AUH: variants seen among roughly 807,000 people sequenced by gnomAD.
AUH encodes AU RNA binding methylglutaconyl-CoA hydratase.
In AUH, 29 loss-of-function variants were observed where a neutral mutation model predicts 42.3. That is an observed-to-expected ratio of 0.69 (90% CI 0.51 to 0.93). AUH has a LOEUF of 0.93. Among genes scored for constraint, AUH ranks in the 40% least tolerant of loss-of-function variants. AUH has a pLI of 0.00. For missense variants in AUH, 452 were observed against 438.1 expected (o/e 1.03, Z -0.28); for synonymous variants, 174 against 166.4 (o/e 1.05, Z -0.35).
intron 4 of AUH, among the ~76,000 whole-genome samples, chr9:91,322,729 A>T (rs1829677487): frequency 6.6e-6 from 1 of 152,208 alleles, no homozygotes; most frequent in Non-Finnish European, 1.5e-5. Flanking sequence ...AAAGAATAAC[A>T]CAAAACAAAA....
In AUH at chr9:91,249,200, G is replaced by A. The variant is rs143777780; in HGVS notation, c.656-28208C>T. ...TAGTCCCAGCTACTTGGGGGGCTAA[G>A]GTGGGGGGATCACCTGAGCCTGGGA... On this transcript the variant is annotated intron_variant, in intron 6 of 9. Transcript: ENST00000375731. Among the ~76,000 whole-genome samples, 741 of 148,690 alleles carry A rather than the reference G, an allele frequency of 5.0e-3. 7 individuals carry two copies. Among genetic ancestry groups the A allele is most frequent in the East Asian group, 0.044 (216 of 4,928 alleles).
In AUH at chr9:91,355,951, G is replaced by A. The variant is rs1832379274; in HGVS notation, c.350C>T (p.Ala117Val). The change falls in exon 3 of 10, where the codon GCT becomes GTT. Residue 117 changes from alanine to valine, a missense_variant. Transcript: ENST00000375731. Reference sequence around the variant, plus strand: ...CCGTACTTTCTTATCAGATTTCAAAGCATCCACAGCTTTTGATAGCTAAAC... The same window carrying A: ...CCGTACTTTCTTATCAGATTTCAAAACATCCACAGCTTTTGATAGCTAAAC... The part of the protein sequence containing the change: ...LIKMLSKAVD[A>V]LKSDKKVRTI... 2 of 1,613,192 alleles carry A rather than the reference G, an allele frequency of 1.2e-6. No individual in the cohort carries two copies. Among genetic ancestry groups the A allele is most frequent in the Non-Finnish European group, 1.7e-6 (2 of 1,179,642 alleles).
chr9:91,301,252 G>A (rs1026715388), intron 4 of AUH, among the ~76,000 whole-genome samples: 8 of 152,184 alleles, frequency 5.3e-5, no homozygotes, highest in African/African-American at 1.4e-4. Context: ...AGTAGCTGCT[G>A]GAGGCCGTGA....
At chr9:91,345,899 T>C (rs1831471874) in intron 3 of AUH, among the ~76,000 whole-genome samples, 1 of 150,938 alleles carries the variant, frequency 6.6e-6, no homozygotes, top group Non-Finnish European at 1.5e-5. Flanking sequence ...TCAACTGATA[T>C]TTTAGACAGG....
At chr9:91,359,495 T>C (rs1832686869) in intron 1 of AUH, among the ~76,000 whole-genome samples, 1 of 152,144 alleles carries the variant, frequency 6.6e-6, no homozygotes, top group Non-Finnish European at 1.5e-5. Context: ...AAGGTCTTGT[T>C]GTGTCACCCA....
chr9:91,304,006 A>C (rs1828024126), intron 4 of AUH, among the ~76,000 whole-genome samples: 1 of 152,202 alleles, frequency 6.6e-6, no homozygotes, highest in Non-Finnish European at 1.5e-5. Context: ...GGGAGTTCAA[A>C]GTGAGAAGTC....
rs1247717165 is a variant in AUH at position 91,217,313 on chromosome 9, C to A, written c.858G>T (p.Met286Ile). ...REFLPQGPVA[M>I]RVAKLAINQG... Reference sequence around the variant, plus strand: ...GATTAATTGCTAATTTTGCCACTCTCATTGCAACAGGTCCCTAAAATTCAA... The same window carrying A: ...GATTAATTGCTAATTTTGCCACTCTAATTGCAACAGGTCCCTAAAATTCAA... Residue 286 changes from methionine (M) to isoleucine (I), a missense_variant, in exon 8 of 10, where the codon ATG becomes ATT. Coordinates refer to ENST00000375731, the MANE Select transcript of AUH (RefSeq NM_001698.3). 1 of 1,613,700 alleles carries A rather than the reference C, an allele frequency of 6.2e-7. No individual in the cohort carries two copies. The highest frequency in any genetic ancestry group is 1.3e-5 in the African/African-American group (1 of 74,938).
At chr9:91,340,627 A>C (rs566800250) in intron 3 of AUH, among the ~76,000 whole-genome samples, 4 of 152,326 alleles carry the variant, frequency 2.6e-5, no homozygotes, top group South Asian at 4.2e-4. Flanking sequence ...AATACTTCTC[A>C]AACTATGAGT....
chr9:91,288,977 G>C (rs1221234516), intron 6 of AUH, among the ~76,000 whole-genome samples: 1 of 151,992 alleles, frequency 6.6e-6, no homozygotes, highest in Non-Finnish European at 1.5e-5. Flanking sequence ...CTCAGGTAAA[G>C]AAAACAAAAC....
chr9:91,266,378 TAA>T (rs1829979165), intron 6 of AUH, among the ~76,000 whole-genome samples: 1 of 150,620 alleles, frequency 6.6e-6, no homozygotes, highest in African/African-American at 2.4e-5. Flanking sequence ...AATAAATAAA[TAA>T]ATAAATAAAT....
chr9:91,218,062 T>C (rs1184788242), intron 7 of AUH, among the ~76,000 whole-genome samples: 1 of 152,206 alleles, frequency 6.6e-6, no homozygotes, highest in African/African-American at 2.4e-5. Context: ...GGGTAATAAA[T>C]GTGAATTCAA....
chr9:91,300,512 A>C lies in AUH; in HGVS notation c.506-2436T>G, dbSNP rs975126112. ...GGTCCCATCATTTCTCACCAGCAGG[A>C]AGTACCTAATTAATCTCCTTCACCT... On this transcript the variant is annotated intron_variant, in intron 4 of 9. Coordinates refer to ENST00000375731, the MANE Select transcript of AUH (RefSeq NM_001698.3). Among the ~76,000 whole-genome samples, 5 of 152,136 alleles carry C rather than the reference A, an allele frequency of 3.3e-5. 1 individual carries two copies. The highest frequency in any genetic ancestry group is 3.3e-4 in the Admixed American group (5 of 15,266).
intron 8 of AUH, among the ~76,000 whole-genome samples, chr9:91,216,971 T>C (rs560117122): frequency 1.1e-4 from 16 of 152,340 alleles, no homozygotes; most frequent in African/African-American, 3.8e-4. Flanking sequence ...GTTATTTTGG[T>C]TTTCTATGAA....
chr9:91,315,255 G>C (rs955695416), intron 4 of AUH, among the ~76,000 whole-genome samples: 3 of 152,166 alleles, frequency 2.0e-5, no homozygotes, highest in African/African-American at 7.2e-5. Context: ...TTCATCTTTT[G>C]ACAGCAGAGG....
At chr9:91,330,641 G>C (rs1830261464) in intron 3 of AUH, among the ~76,000 whole-genome samples, 1 of 152,090 alleles carries the variant, frequency 6.6e-6, no homozygotes, top group Non-Finnish European at 1.5e-5. Flanking sequence ...GCATAGTCAG[G>C]GCAGCACTAT....
intron 6 of AUH, among the ~76,000 whole-genome samples, chr9:91,261,789 T>G (rs1360029264): frequency 6.6e-6 from 1 of 152,222 alleles, no homozygotes; most frequent in African/African-American, 2.4e-5. Flanking sequence ...CTACCTGTAA[T>G]CCAGTGTATG....
intron 4 of AUH, among the ~76,000 whole-genome samples, chr9:91,310,584 T>C (rs1018802536): frequency 1.3e-5 from 2 of 152,166 alleles, no homozygotes; most frequent in Non-Finnish European, 2.9e-5. Context: ...TACACCAAAA[T>C]AATTCAAGAG....
At chr9:91,235,464 T>C (rs930505815) in intron 6 of AUH, among the ~76,000 whole-genome samples, 1 of 152,196 alleles carries the variant, frequency 6.6e-6, no homozygotes, top group Non-Finnish European at 1.5e-5. Context: ...AGCTGTGCTC[T>C]GGCCAAGGTA....
At chr9:91,342,802 A>C (rs1831204360) in intron 3 of AUH, 1 of 152,182 alleles carries the variant, frequency 6.6e-6, no homozygotes, top group Admixed American at 6.5e-5. Context: ...AGTGCAGCTG[A>C]CCTTTGAACA....
Sources: gnomAD v4.1 joint callset for allele counts (sites outside exome capture counted in the v4.1 genomes callset) on GRCh38, gnomAD v4.1.1 for gene constraint, MANE v1.5 for transcripts, NCBI Gene and HGNC (gene_info 2026-07-23, HGNC 2026-07-21) for gene names.